Variants in LYPD6 observed in about 807,000 individuals in gnomAD.
LYPD6 encodes the protein ly6/PLAUR domain-containing protein 6.
A neutral mutation model predicts 22.7 loss-of-function variants in LYPD6; 15 were observed. That is an observed-to-expected ratio of 0.66 (90% CI 0.44 to 1.02). The LOEUF is 1.02. Ranked by LOEUF, LYPD6 falls within the 50% of genes least tolerant of loss-of-function variation. LYPD6 has a pLI of 0.00. For synonymous variants in LYPD6, 72 were observed against 77.5 expected (o/e 0.93, Z 0.37); for missense variants, 189 against 208.4 (o/e 0.91, Z 0.57).
chr2:149,344,064 G>T (rs965072619), intron 1 of LYPD6, among the ~76,000 whole-genome samples: 2 of 152,126 alleles, frequency 1.3e-5, no homozygotes, highest in Non-Finnish European at 2.9e-5. Context: ...TCATCTTGAG[G>T]GTCAGTGTTT....
At chr2:149,462,870 A>C (rs538083070) in intron 3 of LYPD6, among the ~76,000 whole-genome samples, 2 of 152,248 alleles carry the variant, frequency 1.3e-5, no homozygotes, top group African/African-American at 4.8e-5. Context: ...TCTCAGCCTA[A>C]GTCTCACACT....
rs905412502 is a variant in LYPD6 at position 149,464,026 on chromosome 2, A to G, written c.218-4619A>G. On this transcript the variant is annotated intron_variant, in intron 3 of 4. Coordinates refer to ENST00000334166, the MANE Select transcript of LYPD6 (RefSeq NM_194317.5). ...GCAGTTGTTACCATTTGGGGAAACT[A>G]GGTAAAAGGTGTAGAGGATCTCCTA... 17 of 361,956 alleles carry G rather than the reference A, an allele frequency of 4.7e-5. 1 individual carries two copies. The highest frequency in any genetic ancestry group is 3.1e-4 in the Admixed American group (7 of 22,258). 22.4% of individuals were successfully genotyped at this position (361,956 alleles called of 1,614,324 possible).
Position 149,458,382 on chromosome 2 carries a change from G to A in LYPD6, c.217+9235G>A, listed in dbSNP as rs73964445. On this transcript the variant is annotated intron_variant, in intron 3 of 4. Transcript: ENST00000334166. ...GAGAGTCAAGACTTCACCCTTCACC[G>A]CCACCCATTGGTATTGAGGCTACAA... 5.1e-3 allele frequency among the ~76,000 whole-genome samples: 776 copies of A among 152,134 alleles called. 7 individuals are homozygous for A. The highest frequency in any genetic ancestry group is 0.017 in the African/African-American group (702 of 41,500).
intron 1 of LYPD6, among the ~76,000 whole-genome samples, chr2:149,373,823 T>G (rs1681862173): frequency 1.3e-5 from 2 of 152,232 alleles, no homozygotes; most frequent in South Asian, 4.1e-4. Context: ...AACATTTAAT[T>G]GTATAAGCTT....
intron 3 of LYPD6, among the ~76,000 whole-genome samples, chr2:149,459,639 T>C (rs1389306549): frequency 6.6e-6 from 1 of 152,180 alleles, no homozygotes; most frequent in Non-Finnish European, 1.5e-5. Flanking sequence ...CAGTGGCTTA[T>C]GCCAGTAATC....
chr2:149,380,209 C>T (rs1682028798), intron 1 of LYPD6, among the ~76,000 whole-genome samples: 1 of 152,202 alleles, frequency 6.6e-6, no homozygotes, highest in Non-Finnish European at 1.5e-5. Context: ...GGAGCGGGGG[C>T]AGCTCTTGAT....
At position 149,471,502 on chromosome 2, in the gene LYPD6, C is replaced by G. The variant is rs1297675541; in HGVS notation, c.*652C>G. 1 of 152,176 alleles carries G rather than the reference C, an allele frequency of 6.6e-6. No individual in the cohort carries two copies. The allele number at this position is 152,176 out of a possible 1,614,324, so 9.4% of individuals were successfully genotyped here. A position where few individuals can be genotyped will look rare whatever the true frequency, so the allele number is the denominator to read the frequency against. ...AAGTTTGTTATATTTGTGGGGGTGC[C>G]TGGAGGAGGATTTTCCTCAACTTAA... is the stretch of plus-strand genomic sequence containing the variant. On this transcript the variant is annotated 3_prime_UTR_variant, in exon 5 of 5. Coordinates refer to ENST00000334166, the MANE Select transcript of LYPD6 (RefSeq NM_194317.5).
At chr2:149,340,740 C>G (rs1013988725) in intron 1 of LYPD6, among the ~76,000 whole-genome samples, 1 of 152,134 alleles carries the variant, frequency 6.6e-6, no homozygotes, top group Non-Finnish European at 1.5e-5. Context: ...TAATGCTGAT[C>G]TAATAAAATT....
chr2:149,437,311 T>TAGAAA (rs1452755981), intron 1 of LYPD6, among the ~76,000 whole-genome samples: 6 of 152,178 alleles, frequency 3.9e-5, no homozygotes, highest in African/African-American at 1.4e-4. Flanking sequence ...TGCTCCTGAC[T>TAGAAA]TCTTTATCGT....
chr2:149,330,947 G>GCGTGTGTACT (rs1680924729), intron 1 of LYPD6, among the ~76,000 whole-genome samples: 3 of 152,200 alleles, frequency 2.0e-5, no homozygotes, highest in Non-Finnish European at 2.9e-5. Flanking sequence ...GTCCAGAGGG[G>GCGTGTGTACT]CGTGTGTACT....
chr2:149,450,661 G>A (rs951780907), intron 3 of LYPD6, among the ~76,000 whole-genome samples: 2 of 152,148 alleles, frequency 1.3e-5, no homozygotes, highest in African/African-American at 4.8e-5. Context: ...TTCCAAATGG[G>A]CCAGTATTTT....
At chr2:149,474,488 G>A (rs1002629741), downstream of LYPD6, among the ~76,000 whole-genome samples, 1 of 152,090 alleles carries the variant, frequency 6.6e-6, no homozygotes, top group African/African-American at 2.4e-5. Flanking sequence ...GATTATAGGT[G>A]TGAGCCACTG....
intron 1 of LYPD6, among the ~76,000 whole-genome samples, chr2:149,380,323 C>T (rs1682031632): frequency 1.3e-5 from 2 of 152,194 alleles, no homozygotes; most frequent in African/African-American, 4.8e-5. Flanking sequence ...CATAACTTAT[C>T]TTTTAAAAGA....
chr2:149,383,837 C>G (rs1682122481), intron 1 of LYPD6, among the ~76,000 whole-genome samples: 1 of 152,270 alleles, frequency 6.6e-6, no homozygotes, highest in East Asian at 1.9e-4. Flanking sequence ...TTTGTTATAA[C>G]CTACACCTCT....
At position 149,405,622 on chromosome 2, in the gene LYPD6, G is replaced by C. The variant is rs146898271; in HGVS notation, c.-71-32016G>C. Among the ~76,000 whole-genome samples, 1,191 of 152,088 alleles carry C rather than the reference G, an allele frequency of 7.8e-3. 15 individuals carry two copies. Among genetic ancestry groups the C allele is most frequent in the African/African-American group, 0.026 (1,075 of 41,506 alleles). On this transcript the variant is annotated intron_variant, in intron 1 of 4. Transcript: ENST00000334166. ...TTATTGGTCTATTTGATTCTTCTCT[G>C]TTTTCTTCTTTATTAGTCTTGCTAG...
chr2:149,473,640 C>G lies in LYPD6; in HGVS notation c.*2790C>G, dbSNP rs1573838494. 1 of 152,188 alleles carries G rather than the reference C, an allele frequency of 6.6e-6. No homozygotes were observed. The highest frequency in any genetic ancestry group is 2.4e-5 in the African/African-American group (1 of 41,450). 9.4% of individuals were successfully genotyped at this position (152,188 alleles called of 1,614,324 possible). A position where few individuals can be genotyped will look rare whatever the true frequency, so the allele number is the denominator to read the frequency against. On this transcript the variant is annotated 3_prime_UTR_variant, in exon 5 of 5. Transcript: ENST00000334166. ...TTTGAGTGTATCTTACCAGGCTCCTCCCTGCAAATGCACATGTCAATCAAT... is the reference window on the plus strand; with the variant it reads ...TTTGAGTGTATCTTACCAGGCTCCTGCCTGCAAATGCACATGTCAATCAAT...
chr2:149,481,760 A>G, the LYPD6 span, among the ~76,000 whole-genome samples: 99 of 152,372 alleles, frequency 6.5e-4, no homozygotes, highest in African/African-American at 2.3e-3. Flanking sequence ...CTTGGAGAAA[A>G]TAAGCCAAAA....
intron 1 of LYPD6, among the ~76,000 whole-genome samples, chr2:149,409,712 G>C (rs1156256501): frequency 1.3e-5 from 2 of 152,034 alleles, no homozygotes; most frequent in Non-Finnish European, 2.9e-5. Context: ...AGTCACATAG[G>C]TTGCCAGGGA....
chr2:149,334,422 T>TA (rs765031210), intron 1 of LYPD6, among the ~76,000 whole-genome samples: 33 of 152,140 alleles, frequency 2.2e-4, no homozygotes, highest in East Asian at 1.7e-3. Flanking sequence ...TTTTGCTGAG[T>TA]AATATTCCTA....
Sources: gnomAD v4.1 joint callset for allele counts (sites outside exome capture counted in the v4.1 genomes callset) on GRCh38, gnomAD v4.1.1 for gene constraint, MANE v1.5 for transcripts, NCBI Gene and HGNC (gene_info 2026-07-23, HGNC 2026-07-21) for gene names.